Variants in TMEM114 observed in about 807,000 individuals in gnomAD.
TMEM114 encodes claudin-26.
A neutral mutation model predicts 6.2 loss-of-function variants in TMEM114; 6 were observed. The observed-to-expected ratio is 0.97, with a 90% confidence interval of 0.53 to 1.91. TMEM114 has a LOEUF of 1.91. TMEM114 is among the 40% of genes most tolerant of loss of function. The pLI, the probability that TMEM114 is intolerant of heterozygous loss-of-function variation, is 0.01. For missense variants in TMEM114, 218 were observed against 158.3 expected (o/e 1.38, Z -2.02); for synonymous variants, 104 against 73.0 (o/e 1.42, Z -2.16).
downstream of TMEM114, among the ~76,000 whole-genome samples, chr16:8,535,900 C>T (rs768024635): frequency 6.6e-6 from 1 of 152,164 alleles, no homozygotes; most frequent in Non-Finnish European, 1.5e-5. Context: ...ATTAAGTCCT[C>T]ATGGTCAAAA....
intron 2 of TMEM114, among the ~76,000 whole-genome samples, chr16:8,564,297 ATGAG>A: frequency 1.2e-5 from 1 of 84,098 alleles, no homozygotes; most frequent in Middle Eastern, 6.8e-3. Flanking sequence ...AAATAAGTGA[ATGAG>A]TGATGAAATA....
intron 2 of TMEM114, among the ~76,000 whole-genome samples, chr16:8,552,894 C>G (rs989467778): frequency 1.3e-5 from 2 of 152,138 alleles, no homozygotes; most frequent in Admixed American, 6.6e-5. Flanking sequence ...AGCTGTGATT[C>G]TGAAGTCGTC....
the TMEM114 span, chr16:8,532,131 A>T: frequency 6.6e-6 from 1 of 152,186 alleles, no homozygotes; most frequent in Non-Finnish European, 1.5e-5. Flanking sequence ...GCTCCAACAC[A>T]CCAATCTTGA....
chr16:8,533,777 G>A (rs142021359), downstream of TMEM114, among the ~76,000 whole-genome samples: 155 of 152,254 alleles, frequency 1.0e-3, no homozygotes, highest in African/African-American at 3.5e-3. Context: ...CCAGCTTACC[G>A]AAAATCACAC....
At chr16:8,579,613 C>T (rs1902065984) in intron 2 of TMEM114, among the ~76,000 whole-genome samples, 1 of 152,150 alleles carries the variant, frequency 6.6e-6, no homozygotes, top group Admixed American at 6.5e-5. Context: ...AAGCAAACCA[C>T]ATCATCGCTC....
chr16:8,531,345 C>T, the TMEM114 span, among the ~76,000 whole-genome samples: 1 of 152,172 alleles, frequency 6.6e-6, no homozygotes. Flanking sequence ...TCATTAATGC[C>T]TAAAACCACA....
downstream of TMEM114, among the ~76,000 whole-genome samples, chr16:8,565,920 C>G (rs371935008): frequency 6.6e-6 from 1 of 152,116 alleles, no homozygotes; most frequent in South Asian, 2.1e-4. Context: ...GAACCACTGT[C>G]TTAAAGGCAT....
chr16:8,531,490 G>A, the TMEM114 span, among the ~76,000 whole-genome samples: 1 of 152,190 alleles, frequency 6.6e-6, no homozygotes, highest in Non-Finnish European at 1.5e-5. Flanking sequence ...AAGCCATGTT[G>A]GTTTTCTTCA....
chr16:8,563,046 A>AGTG (rs1901331375), intron 2 of TMEM114, among the ~76,000 whole-genome samples: 1 of 84,798 alleles, frequency 1.2e-5, no homozygotes, highest in Admixed American at 1.2e-4. Context: ...GTGAATGAGT[A>AGTG]AATTGAGTGA....
chr16:8,571,301 G>A (rs531706794), intron 3 of TMEM114, among the ~76,000 whole-genome samples: 43 of 152,226 alleles, frequency 2.8e-4, no homozygotes, highest in African/African-American at 8.9e-4. Context: ...GTGTGCTGCT[G>A]TTTAATTGAC....
At chr16:8,567,066 A>ATTTTTTTT (rs34500863), downstream of TMEM114, among the ~76,000 whole-genome samples, 1 of 144,372 alleles carries the variant, frequency 6.9e-6, no homozygotes, top group Non-Finnish European at 1.5e-5. Context: ...ACAGCTGGCT[A>ATTTTTTTT]TTTTTTTTTT....
At chr16:8,578,535 C>A (rs1417124765) in intron 2 of TMEM114, among the ~76,000 whole-genome samples, 2 of 152,198 alleles carry the variant, frequency 1.3e-5, no homozygotes, top group Admixed American at 1.3e-4. Context: ...GATGCTCTTT[C>A]TGAATAAGTC....
chr16:8,582,455 G>C (rs188184013), intron 2 of TMEM114, among the ~76,000 whole-genome samples: 8 of 152,372 alleles, frequency 5.3e-5, no homozygotes, highest in Admixed American at 3.9e-4. Flanking sequence ...CTGTCTGAAA[G>C]AGGCAATGTT....
intron 2 of TMEM114, among the ~76,000 whole-genome samples, chr16:8,547,980 A>G (rs1354912030): frequency 6.6e-6 from 1 of 152,188 alleles, no homozygotes; most frequent in Admixed American, 6.5e-5. Flanking sequence ...TTCCCAGTCC[A>G]GGTGATAGAA....
At chr16:8,538,201 A>G (rs1900417400) in intron 2 of TMEM114, among the ~76,000 whole-genome samples, 1 of 150,016 alleles carries the variant, frequency 6.7e-6, no homozygotes, top group Non-Finnish European at 1.5e-5. Flanking sequence ...GCTACTCAGG[A>G]GGCTGAAGTA....
At chr16:8,527,969 G>A in the TMEM114 span, among the ~76,000 whole-genome samples, 801 of 152,080 alleles carry the variant, frequency 5.3e-3, 14 homozygotes, top group East Asian at 0.063. Flanking sequence ...GTGCAGTGGT[G>A]CGATCTCAGC....
chr16:8,545,097 T>C (rs972429117), intron 2 of TMEM114, among the ~76,000 whole-genome samples: 6 of 152,170 alleles, frequency 3.9e-5, no homozygotes, highest in African/African-American at 1.4e-4. Context: ...GCACCCTTTC[T>C]CTTTTCTTTC....
At chr16:8,533,088 A>C (rs531319028), downstream of TMEM114, among the ~76,000 whole-genome samples, 1 of 152,344 alleles carries the variant, frequency 6.6e-6, no homozygotes, top group Non-Finnish European at 1.5e-5. Context: ...TCCAAAAGGT[A>C]GTAAAAGTCC....
At chr16:8,572,030 AC>A in intron 3 of TMEM114, 56 bp downstream of exon 3, 1 of 1,473,528 alleles carries the variant, frequency 6.8e-7, no homozygotes, top group Non-Finnish European at 9.0e-7. Context: ...CATACACAGT[AC>A]CCATTGCCCA....
Sources: allele counts gnomAD v4.1 joint callset (sites outside exome capture counted in the v4.1 genomes callset), GRCh38; gene constraint gnomAD v4.1.1; transcripts MANE v1.5; gene names NCBI Gene and HGNC (gene_info 2026-07-23, HGNC 2026-07-21).